RTN1: variants seen among roughly 807,000 people sequenced by gnomAD.
The protein encoded by RTN1 is reticulon 1.
RTN1 carries 25 observed loss-of-function variants against 65.5 expected under a neutral mutation model. The ratio of observed to expected loss-of-function variants is 0.38; its 90% CI spans 0.28 to 0.53. The LOEUF is 0.53. Among genes scored for constraint, RTN1 ranks in the 20% least tolerant of loss-of-function variants. RTN1 has a pLI of 0.79. For missense variants in RTN1, 983 were observed against 1,025.4 expected (o/e 0.96, Z 0.57); for synonymous variants, 471 against 447.6 (o/e 1.05, Z -0.66).
At chr14:59,631,365 A>G (rs1317327149) in intron 3 of RTN1, among the ~76,000 whole-genome samples, 4 of 152,200 alleles carry the variant, frequency 2.6e-5, no homozygotes, top group Admixed American at 2.6e-4. Flanking sequence ...TGCAGTGACA[A>G]TCCAAGGGTG....
rs756916407 is a variant in RTN1, at chr14:59,727,158, C to A, written c.1526G>T (p.Arg509Leu). Residue 509 changes from arginine (R) to leucine (L), a missense_variant, in exon 3 of 9, where the codon CGT becomes CTT. Physicochemically the swap from Arg to Leu is moderately radical, Grantham distance 102. Coordinates refer to ENST00000267484, the MANE Select transcript of RTN1 (RefSeq NM_021136.3). The surrounding 1 kb of genome is among the most constrained non-coding windows in gnomAD (Gnocchi z 4.2). Reference sequence around the variant, plus strand: ...GGCCAGGCCCCGCCGGCTTGGCGCACGCTCCTCGGCCCGGACGCCAGTCTC... The same window carrying A: ...GGCCAGGCCCCGCCGGCTTGGCGCAAGCTCCTCGGCCCGGACGCCAGTCTC... ...REETGVRAEE[R>L]APSRRGLAEP... 33 of 1,595,858 alleles carry A rather than the reference C, an allele frequency of 2.1e-5. No individual in the cohort carries two copies. Among genetic ancestry groups the A allele is most frequent in the Middle Eastern group, 1.7e-4 (1 of 6,008 alleles).
intron 3 of RTN1, among the ~76,000 whole-genome samples, chr14:59,663,866 G>A (rs1230323128): frequency 6.6e-6 from 1 of 152,180 alleles, no homozygotes; most frequent in Non-Finnish European, 1.5e-5. Context: ...TATACTGTCA[G>A]TGGGAGTTTA....
At chr14:59,609,641 G>C (rs563045121) in intron 3 of RTN1, among the ~76,000 whole-genome samples, 1 of 152,170 alleles carries the variant, frequency 6.6e-6, no homozygotes, top group Non-Finnish European at 1.5e-5. Context: ...CTAGGCTAAA[G>C]GTCTAAAGCC....
chr14:59,819,091 C>T (rs780039348), intron 1 of RTN1, among the ~76,000 whole-genome samples: 11 of 152,098 alleles, frequency 7.2e-5, no homozygotes, highest in Non-Finnish European at 1.3e-4. Flanking sequence ...TGGTTCTTCC[C>T]GTCCAGAGTT....
rs927724646 is a variant in RTN1 at position 59,849,776 on chromosome 14, G to A, written c.241+20614C>T. Among the ~76,000 whole-genome samples, 1 of 152,170 alleles carries A rather than the reference G, an allele frequency of 6.6e-6. No homozygotes were observed. The highest frequency in any genetic ancestry group is 6.5e-5 in the Admixed American group (1 of 15,278). On this transcript the variant is annotated intron_variant, in intron 1 of 8. Transcript: ENST00000267484. The surrounding 1 kb of genome is among the most constrained non-coding windows in gnomAD (Gnocchi z 4.5). ...CAATTTCTAAGGGAAGTAAAGCCAA[G>A]AACTCCCACTCTCACTTACTCCAGG...
intron 1 of RTN1, among the ~76,000 whole-genome samples, chr14:59,848,833 C>T (rs1401943540): frequency 2.0e-5 from 3 of 152,148 alleles, no homozygotes; most frequent in Admixed American, 1.3e-4. Context: ...TCTGCCTAGA[C>T]AAGGAAATCA....
intron 1 of RTN1, among the ~76,000 whole-genome samples, chr14:59,788,682 CAAT>C (rs1886295368): frequency 6.6e-6 from 1 of 152,172 alleles, no homozygotes; most frequent in Non-Finnish European, 1.5e-5. Flanking sequence ...TTTGCATTCA[CAAT>C]AATGTTTATT....
chr14:59,656,156 T>C (rs1189434176), intron 3 of RTN1, among the ~76,000 whole-genome samples: 4 of 151,874 alleles, frequency 2.6e-5, no homozygotes, highest in South Asian at 2.1e-4. Flanking sequence ...TCCACTTATA[T>C]GAAATGTCAA....
chr14:59,643,763 TCAAAA>T (rs1221953916), intron 3 of RTN1, among the ~76,000 whole-genome samples: 2 of 151,872 alleles, frequency 1.3e-5, no homozygotes, highest in Non-Finnish European at 2.9e-5. Flanking sequence ...AAACAAAAAA[TCAAAA>T]CAATAACAAT....
At chr14:59,696,539 A>C (rs1259763083) in intron 3 of RTN1, among the ~76,000 whole-genome samples, 4 of 151,620 alleles carry the variant, frequency 2.6e-5, no homozygotes, top group Non-Finnish European at 4.4e-5. Context: ...GAGATACTAC[A>C]TGGAAAATGC....
Position 59,727,512 on chromosome 14 carries a change from C to T in RTN1, c.1172G>A (p.Gly391Glu), listed in dbSNP as rs762537868. Reference sequence around the variant, plus strand: ...CAGGGGGCTGGGGATGGTTGGCGGTCCGGACCTGGCCTTGACCTCGGGCCT... The same window carrying T: ...CAGGGGGCTGGGGATGGTTGGCGGTTCGGACCTGGCCTTGACCTCGGGCCT... ...ADRPEVKARS[G>E]PPTIPSPLDH... Residue 391 changes from glycine (G) to glutamate (E), a missense_variant, in exon 3 of 9, where the codon GGA becomes GAA. Coordinates refer to ENST00000267484, the MANE Select transcript of RTN1 (RefSeq NM_021136.3). This position sits in a 1 kb window ranked among gnomAD's most constrained non-coding sequence, Gnocchi z 4.2. The T allele has an allele frequency of 6.2e-7, 1 of 1,601,224 alleles. No homozygotes were observed. Among genetic ancestry groups the T allele is most frequent in the Non-Finnish European group, 8.5e-7 (1 of 1,174,692 alleles).
intron 3 of RTN1, among the ~76,000 whole-genome samples, chr14:59,641,343 TTA>T (rs1308075960): frequency 2.0e-5 from 3 of 152,092 alleles, no homozygotes; most frequent in Non-Finnish European, 4.4e-5. Context: ...GCTTATAGTT[TTA>T]TCTTTTTGGA....
intron 1 of RTN1, among the ~76,000 whole-genome samples, chr14:59,752,064 C>T (rs1885533690): frequency 6.6e-6 from 1 of 152,184 alleles, no homozygotes; most frequent in African/African-American, 2.4e-5. Flanking sequence ...TTCTTCAACA[C>T]TGGATCCTTC....
chr14:59,624,760 GC>G (rs1439921355), intron 3 of RTN1, among the ~76,000 whole-genome samples: 3 of 152,152 alleles, frequency 2.0e-5, no homozygotes, highest in Non-Finnish European at 4.4e-5. Flanking sequence ...ACTGTGCCTG[GC>G]CTGTACTTTC....
At position 59,750,157 on chromosome 14, in the gene RTN1, A is replaced by AAT. The variant is rs1261640477; in HGVS notation, c.242-3678_242-3677dup. On this transcript the variant is annotated intron_variant, in intron 1 of 8. Coordinates refer to ENST00000267484, the MANE Select transcript of RTN1 (RefSeq NM_021136.3). ...AATATATAATATATATATTATAGAT[A>AAT]ATATATATTATATCTATAATATATA... Among the ~76,000 whole-genome samples the AAT allele has an allele frequency of 3.6e-4, 19 of 52,518 alleles. 1 individual carries two copies. The highest frequency in any genetic ancestry group is 1.7e-3 in the African/African-American group (16 of 9,552). 34.5% of individuals were successfully genotyped at this position (52,518 alleles called of 152,430 possible). A position where few individuals can be genotyped will look rare whatever the true frequency, so the allele number is the denominator to read the frequency against.
intron 1 of RTN1, among the ~76,000 whole-genome samples, chr14:59,811,315 C>A (rs553251026): frequency 6.6e-6 from 1 of 152,142 alleles, no homozygotes; most frequent in Non-Finnish European, 1.5e-5. Flanking sequence ...CAAACACAAG[C>A]AAATGACCCC....
rs1887878396 is a variant in RTN1 at position 59,870,447 on chromosome 14, C to T, written c.184G>A (p.Glu62Lys). The T allele has an allele frequency of 1.3e-6, 2 of 1,507,996 alleles. No homozygotes were observed. The highest frequency in any genetic ancestry group is 2.8e-5 in the East Asian group (1 of 36,308). 93.4% of individuals were successfully genotyped at this position (1,507,996 alleles called of 1,614,324 possible). A position where few individuals can be genotyped will look rare whatever the true frequency, so the allele number is the denominator to read the frequency against. Residue 62 changes from glutamate to lysine, a missense_variant, in exon 1 of 9, where the codon GAA (glutamate) becomes AAA (lysine). By Grantham distance (56) the Glu-to-Lys change is moderately conservative. Coordinates refer to ENST00000267484, the MANE Select transcript of RTN1 (RefSeq NM_021136.3). This position sits in a 1 kb window ranked among gnomAD's most constrained non-coding sequence, Gnocchi z 5.1. Reference protein sequence around the residue: ...GARAREAASREAGSGPARQSP... With the variant: ...GARAREAASRKAGSGPARQSP... ...TGCCGGGCGGGGCCCGAGCCGGCTT[C>T]CCGCGACGCCGCTTCCCGGGCCCTG...
At chr14:59,759,198 G>C (rs1274515234) in intron 1 of RTN1, among the ~76,000 whole-genome samples, 1 of 152,130 alleles carries the variant, frequency 6.6e-6, no homozygotes, top group Non-Finnish European at 1.5e-5. Context: ...CCCAATCTTA[G>C]GATCTTATCC....
At chr14:59,797,342 T>A (rs1886458890) in intron 1 of RTN1, among the ~76,000 whole-genome samples, 1 of 152,220 alleles carries the variant, frequency 6.6e-6, no homozygotes, top group Non-Finnish European at 1.5e-5. Context: ...TTATGTGTAT[T>A]GCAAATGCAA....
Sources: allele counts gnomAD v4.1 joint callset (sites outside exome capture counted in the v4.1 genomes callset), GRCh38; gene constraint gnomAD v4.1.1; non-coding constraint Gnocchi (gnomAD v3.1); transcripts MANE v1.5; gene names NCBI Gene and HGNC (gene_info 2026-07-23, HGNC 2026-07-21).